RBFOX1: variants seen among roughly 807,000 people sequenced by gnomAD.
RBFOX1 encodes the protein RNA binding protein fox-1 homolog 1.
Under a neutral mutation model 57.7 loss-of-function variants are expected in RBFOX1, and 8 were observed. That is an observed-to-expected ratio of 0.14 (90% CI 0.08 to 0.25). The LOEUF is 0.25. Ranked by LOEUF, RBFOX1 falls within the 10% of genes least tolerant of loss-of-function variation. RBFOX1 has a pLI of 1.00. For synonymous variants in RBFOX1, 326 were observed against 222.4 expected, an observed-to-expected ratio of 1.47 and a Z score of -4.15; for missense variants, 611 against 548.5, an observed-to-expected ratio of 1.11 and a Z score of -1.14.
At chr16:5,918,319 C>T (rs2058751632) in intron 4 of RBFOX1, among the ~76,000 whole-genome samples, 1 of 152,144 alleles carries the variant, frequency 6.6e-6, no homozygotes, top group African/African-American at 2.4e-5. Context: ...GGGGTTTCAC[C>T]ATGTTGGCCA....
intron 4 of RBFOX1, among the ~76,000 whole-genome samples, chr16:7,505,204 A>C (rs2151929573): frequency 6.6e-6 from 1 of 151,164 alleles, no homozygotes; most frequent in East Asian, 2.0e-4. Flanking sequence ...TGTGCACCTC[A>C]GACACTCTTT....
chr16:6,513,829 G>C (rs755549958), intron 2 of RBFOX1, among the ~76,000 whole-genome samples: 1 of 152,182 alleles, frequency 6.6e-6, no homozygotes, highest in Non-Finnish European at 1.5e-5. Context: ...CAGTTCAAGC[G>C]AGAGGGTGGA....
intron 3 of RBFOX1, among the ~76,000 whole-genome samples, chr16:6,719,730 GCCAC>G (rs1258936461): frequency 6.6e-6 from 1 of 152,012 alleles, no homozygotes; most frequent in Non-Finnish European, 1.5e-5. Flanking sequence ...ACAGGCGTGA[GCCAC>G]CGCACTTGGC....
In RBFOX1 at chr16:6,450,829, A is replaced by ATG. The variant is rs1567303716; in HGVS notation, c.-64+133773_-64+133774insGT. Reference sequence around the variant, plus strand: ...TATATATATATATACATATATATATATATATATGTGTATATATATATATAT... The same window carrying ATG: ...TATATATATATATACATATATATATATGTATATATGTGTATATATATATATAT... On this transcript the variant is annotated intron_variant, in intron 2 of 15. Transcript: ENST00000550418. Among the ~76,000 whole-genome samples, 110 of 38,412 alleles carry ATG rather than the reference A, an allele frequency of 2.9e-3. 12 individuals carry two copies. Among genetic ancestry groups the ATG allele is most frequent in the African/African-American group, 0.014 (86 of 6,284 alleles). The allele number at this position is 38,412 out of a possible 152,430, so 25.2% of individuals were successfully genotyped here. A position where few individuals can be genotyped will look rare whatever the true frequency, so the allele number is the denominator to read the frequency against.
At chr16:6,482,005 C>T (rs189715289) in intron 2 of RBFOX1, among the ~76,000 whole-genome samples, 1 of 152,204 alleles carries the variant, frequency 6.6e-6, no homozygotes, top group East Asian at 1.9e-4. Context: ...TAAAAAAAGA[C>T]ACACTTGAAA....
intron 1 of RBFOX1, among the ~76,000 whole-genome samples, chr16:6,206,431 T>C (rs747526528): frequency 6.6e-6 from 1 of 152,208 alleles, no homozygotes; most frequent in Non-Finnish European, 1.5e-5. Flanking sequence ...TCTCAATTCT[T>C]GCTATGATAA....
chr16:6,945,892 C>A (rs1366277456), intron 3 of RBFOX1, among the ~76,000 whole-genome samples: 2 of 152,108 alleles, frequency 1.3e-5, no homozygotes, highest in African/African-American at 2.4e-5. Context: ...CTCTCGTCCC[C>A]CACAAAAAAG....
chr16:5,650,837 C>T (rs908495375), intron 3 of RBFOX1, among the ~76,000 whole-genome samples: 22 of 152,118 alleles, frequency 1.4e-4, no homozygotes, highest in African/African-American at 4.8e-4. Flanking sequence ...GGGCAGCAGG[C>T]GACGGGTCAT....
chr16:6,862,430 G>A (rs964749968), intron 3 of RBFOX1, among the ~76,000 whole-genome samples: 2 of 152,124 alleles, frequency 1.3e-5, no homozygotes, highest in African/African-American at 2.4e-5. Flanking sequence ...CCTTTCATTC[G>A]GTGCTATGGG....
intron 3 of RBFOX1, among the ~76,000 whole-genome samples, chr16:6,719,216 C>G (rs1326763613): frequency 2.0e-5 from 3 of 152,010 alleles, no homozygotes; most frequent in Admixed American, 2.0e-4. Context: ...TCAGTCTTCA[C>G]TACTTTCCTT....
At chr16:7,459,224 C>A (rs2059107946) in intron 4 of RBFOX1, among the ~76,000 whole-genome samples, 1 of 152,094 alleles carries the variant, frequency 6.6e-6, no homozygotes, top group Admixed American at 6.5e-5. Flanking sequence ...GTTTTAACAT[C>A]AGTAGTAATC....
chr16:5,285,013 C>G (rs1422248169), intron 1 of RBFOX1, among the ~76,000 whole-genome samples: 1 of 151,886 alleles, frequency 6.6e-6, no homozygotes, highest in Non-Finnish European at 1.5e-5. Context: ...ATTTGCAAGA[C>G]TTAGGAAGTT....
rs1249230242 is a variant in RBFOX1 at position 7,242,549 on chromosome 16, C to T, written c.27+190451C>T. Among the ~76,000 whole-genome samples the T allele has an allele frequency of 2.6e-5, 4 of 152,176 alleles. No homozygotes were observed. In the East Asian group the frequency reaches 5.8e-4, roughly 22 times the overall value. ...TAAGGAAATGGAATGGTCTGGAACACGTGGCAACTTGGACATGGGGAGGTC... is the reference window on the plus strand; with the variant it reads ...TAAGGAAATGGAATGGTCTGGAACATGTGGCAACTTGGACATGGGGAGGTC... On this transcript the variant is annotated intron_variant, in intron 4 of 15. Transcript: ENST00000550418.
intron 2 of RBFOX1, among the ~76,000 whole-genome samples, chr16:5,577,447 G>C (rs1451314455): frequency 1.3e-5 from 2 of 152,122 alleles, no homozygotes; most frequent in Non-Finnish European, 2.9e-5. Context: ...GGGAAAAATG[G>C]TGCCTTATTT....
chr16:6,232,507 A>C (rs1232185601), intron 1 of RBFOX1, among the ~76,000 whole-genome samples: 1 of 152,148 alleles, frequency 6.6e-6, no homozygotes, highest in Non-Finnish European at 1.5e-5. Context: ...AAATTCTGTT[A>C]TGTGTGATCG....
At chr16:6,664,003 T>C (rs1332705131) in intron 3 of RBFOX1, among the ~76,000 whole-genome samples, 1 of 152,192 alleles carries the variant, frequency 6.6e-6, no homozygotes, top group Non-Finnish European at 1.5e-5. Context: ...TTATGTCCTT[T>C]AATATAGAAT....
intron 2 of RBFOX1, among the ~76,000 whole-genome samples, chr16:6,594,278 A>G (rs1229921686): frequency 1.3e-5 from 2 of 152,210 alleles, no homozygotes; most frequent in Non-Finnish European, 2.9e-5. Context: ...GATTTAACAG[A>G]ACCATCTAGA....
At chr16:5,477,551 C>T (rs1283368169) in intron 2 of RBFOX1, among the ~76,000 whole-genome samples, 9 of 152,142 alleles carry the variant, frequency 5.9e-5, no homozygotes. Context: ...TTCTCTTAAT[C>T]TACAAGAAGC....
chr16:6,022,190 T>C (rs1420652897), intron 1 of RBFOX1, among the ~76,000 whole-genome samples: 5 of 152,116 alleles, frequency 3.3e-5, no homozygotes, highest in Admixed American at 2.6e-4. Flanking sequence ...ACATTTCTTC[T>C]GACCCACTGA....
Sources: gnomAD v4.1 joint callset for allele counts (sites outside exome capture counted in the v4.1 genomes callset) on GRCh38, gnomAD v4.1.1 for gene constraint, MANE v1.5 for transcripts, NCBI Gene and HGNC (gene_info 2026-07-23, HGNC 2026-07-21) for gene names.